Variants in TBCD observed in about 807,000 individuals in gnomAD.
The protein encoded by TBCD is tubulin-specific chaperone D.
Under a neutral mutation model 169.3 loss-of-function variants are expected in TBCD, and 105 were observed. That is an observed-to-expected ratio of 0.62 (90% CI 0.53 to 0.73). The LOEUF is 0.73. TBCD is among the 30% of genes least tolerant of loss of function. TBCD has a pLI of 0.00. For missense variants in TBCD, 1,444 were observed against 1,600.1 expected, an observed-to-expected ratio of 0.90 and a Z score of 1.66; for synonymous variants, 700 against 643.9, an observed-to-expected ratio of 1.09 and a Z score of -1.32.
chr17:82,802,863 A>G (rs1391355549), intron 9 of TBCD, among the ~76,000 whole-genome samples: 1 of 152,266 alleles, frequency 6.6e-6, no homozygotes, highest in Non-Finnish European at 1.5e-5. Context: ...TGCCATGTAA[A>G]GTTAAGCATC....
chr17:82,804,514 C>T (rs912204160), intron 9 of TBCD, among the ~76,000 whole-genome samples: 1 of 152,240 alleles, frequency 6.6e-6, no homozygotes, highest in Non-Finnish European at 1.5e-5. Flanking sequence ...GCCGGCCTGG[C>T]CACTGCCGTC....
intron 14 of TBCD, among the ~76,000 whole-genome samples, chr17:82,873,491 T>A (rs1244969104): frequency 1.3e-5 from 2 of 152,096 alleles, no homozygotes; most frequent in Admixed American, 1.3e-4. Context: ...GGTGCCGACT[T>A]TGGAGAAATG....
At chr17:82,901,735 A>G (rs1256211434) in intron 18 of TBCD, among the ~76,000 whole-genome samples, 2 of 152,278 alleles carry the variant, frequency 1.3e-5, no homozygotes, top group South Asian at 2.1e-4. Flanking sequence ...CCTCTGGGAA[A>G]GGAACTCCTG....
rs1300438216 is a variant in TBCD at position 82,909,317 on chromosome 17, A to G, written c.2006+10A>G. On this transcript the variant is annotated intron_variant, in intron 22 of 38. Coordinates refer to ENST00000355528, the MANE Select transcript of TBCD (RefSeq NM_005993.5). ...ATCGTCAGTTATACAGGTGAGCTTT[A>G]CAAAACCAAAGTTCTTATATCTGTG... 3 of 1,522,872 alleles carry G rather than the reference A, an allele frequency of 2.0e-6. No individual in the cohort carries two copies. The highest frequency in any genetic ancestry group is 1.2e-5 in the South Asian group (1 of 82,142). The allele number at this position is 1,522,872 out of a possible 1,614,324, so 94.3% of individuals were successfully genotyped here.
At chr17:82,928,118 C>G (rs2061908939) in intron 30 of TBCD, 130 bp downstream of exon 30, 1 of 791,788 alleles carries the variant, frequency 1.3e-6, no homozygotes, top group East Asian at 2.7e-5. Context: ...CCCAGAGAGC[C>G]TCTCTGGTCC....
At chr17:82,907,920 GC>G in intron 21 of TBCD, 99 bp downstream of exon 21, 1 of 1,310,012 alleles carries the variant, frequency 7.6e-7, no homozygotes, top group Non-Finnish European at 1.1e-6. Flanking sequence ...AGTCCTGGTG[GC>G]CACTGTGCTC....
At chr17:82,859,740 G>A in intron 13 of TBCD, 2 of 985,464 alleles carry the variant, frequency 2.0e-6, no homozygotes, top group South Asian at 9.4e-5. Context: ...AGTCCACAGT[G>A]GGGGCTGCTG....
Position 82,832,771 on chromosome 17 carries a change from AGCAGCTGCC to A in TBCD, c.1318+17839_1318+17847del, listed in dbSNP as rs2053629975. On this transcript the variant is annotated intron_variant, in intron 13 of 38. Transcript: ENST00000355528. This position sits in a 1 kb window ranked among gnomAD's most constrained non-coding sequence, Gnocchi z 4.9. ...GCTGAAACTGCCTGCTCCTGAGGGGAGCAGCTGCCGGTCACAGAAGCAGCCCTGCCCTAC... is the reference window on the plus strand; with the variant it reads ...GCTGAAACTGCCTGCTCCTGAGGGGAGGTCACAGAAGCAGCCCTGCCCTAC... 2.3e-6 allele frequency: 1 copy of A among 436,748 alleles called. No individual in the cohort carries two copies. Among genetic ancestry groups the A allele is most frequent in the African/African-American group, 2.0e-5 (1 of 50,182 alleles). The allele number at this position is 436,748 out of a possible 1,614,324, so 27.1% of individuals were successfully genotyped here.
intron 13 of TBCD, among the ~76,000 whole-genome samples, chr17:82,842,479 C>T (rs140010209): frequency 1.3e-5 from 2 of 152,160 alleles, no homozygotes; most frequent in Non-Finnish European, 2.9e-5. Flanking sequence ...GCCCCTTCTG[C>T]CCCCATGTCT....
At chr17:82,882,460 G>A (rs530750868) in intron 14 of TBCD, among the ~76,000 whole-genome samples, 15 of 152,304 alleles carry the variant, frequency 9.8e-5, no homozygotes, top group African/African-American at 3.4e-4. Context: ...AAATGCCCCC[G>A]AGTTTCAGTT....
intron 13 of TBCD, chr17:82,860,492 G>C: frequency 1.1e-6 from 1 of 949,636 alleles, no homozygotes; most frequent in Non-Finnish European, 1.3e-6. Context: ...AGATCCTGAG[G>C]CTGATTAATT....
intron 1 of TBCD, 35 bp downstream of exon 1, chr17:82,752,412 C>G: frequency 8.3e-7 from 1 of 1,203,132 alleles, no homozygotes; most frequent in Non-Finnish European, 1.0e-6. Flanking sequence ...GCTTCCTCCC[C>G]CGGCCCGGGT....
Position 82,927,244 on chromosome 17 carries a change from AAT to A in TBCD, c.2531_2532del (p.Asn844SerfsTer48). On this transcript the variant is annotated frameshift_variant, in exon 29 of 39. Coordinates refer to ENST00000355528, the MANE Select transcript of TBCD (RefSeq NM_005993.5). LOFTEE classifies it high-confidence loss of function. ...GAPDEAVCGENVSQIYCALLG... is the reference protein window; with the variant it reads ...GAPDEAVCGEXVSQIYCALLG... ...CCCAGACGAAGCTGTGTGCGGAGAGAATGTTTCCCAGATTTACTGTGCGCTGC... is the reference window on the plus strand; with the variant it reads ...CCCAGACGAAGCTGTGTGCGGAGAGAGTTTCCCAGATTTACTGTGCGCTGC... 1 of 1,613,878 alleles carries A rather than the reference AAT, an allele frequency of 6.2e-7. No individual in the cohort carries two copies. The highest frequency in any genetic ancestry group is 8.5e-7 in the Non-Finnish European group (1 of 1,179,808).
At chr17:82,860,767 C>G (rs563930397) in intron 13 of TBCD, among the ~76,000 whole-genome samples, 1 of 152,210 alleles carries the variant, frequency 6.6e-6, no homozygotes. Context: ...TTTCATCGCC[C>G]GTGTCCGGGC....
chr17:82,886,376 G>T (rs980937590), intron 15 of TBCD: 6 of 140,956 alleles, frequency 4.3e-5, no homozygotes, highest in African/African-American at 1.6e-4. Context: ...ACCCCCAAAC[G>T]TGCTGACATT....
At position 82,764,074 on chromosome 17, in the gene TBCD, A is replaced by G. The variant is rs928941465; in HGVS notation, c.333+12A>G. On this transcript the variant is annotated intron_variant, in intron 3 of 38. Transcript: ENST00000355528. ...ACATCATCACCAAGGTAACATTTCC[A>G]TAGCACTTCAGAGTTGACAGATACT... The G allele has an allele frequency of 5.0e-6, 8 of 1,598,588 alleles. No individual in the cohort carries two copies. Among genetic ancestry groups the G allele is most frequent in the Non-Finnish European group, 6.9e-6 (8 of 1,166,610 alleles).
At position 82,930,674 on chromosome 17, in the gene TBCD, G is replaced by A. The variant is rs556075382; in HGVS notation, c.3113+31G>A. ...TGGTGTCTCTTGGGGCCTCAGAGGC[G>A]TGAGTGGTGCTGGTGCCTCTCACCA... On this transcript the variant is annotated intron_variant, in intron 33 of 38. Coordinates refer to ENST00000355528, the MANE Select transcript of TBCD (RefSeq NM_005993.5). The surrounding 1 kb of genome is among the most constrained non-coding windows in gnomAD (Gnocchi z 5.2). The A allele has an allele frequency of 2.4e-5, 39 of 1,613,618 alleles. No individual in the cohort carries two copies. In the South Asian group the frequency reaches 2.9e-4, roughly 12 times the overall value.
rs1010575243 is a variant in TBCD at position 82,752,209 on chromosome 17, G to A, written c.16G>A (p.Glu6Lys). 5 of 1,522,132 alleles carry A rather than the reference G, an allele frequency of 3.3e-6. No homozygotes were observed. Among genetic ancestry groups the A allele is most frequent in the Non-Finnish European group, 3.5e-6 (4 of 1,137,392 alleles). The allele number at this position is 1,522,132 out of a possible 1,614,324, so 94.3% of individuals were successfully genotyped here. The change falls in exon 1 of 39, where the codon GAA becomes AAA. Residue 6 changes from glutamate (E) to lysine (K), a missense_variant. Physicochemically the swap from Glu to Lys is moderately conservative, Grantham distance 56. Transcript: ENST00000355528. Reference sequence around the variant, plus strand: ...GGCTGCCGAGATGGCCCTGAGCGACGAACCGGCCGCGGGCGGCCCCGAGGA... The same window carrying A: ...GGCTGCCGAGATGGCCCTGAGCGACAAACCGGCCGCGGGCGGCCCCGAGGA... MALSD[E>K]PAAGGPEEEA...
At position 82,920,255 on chromosome 17, in the gene TBCD, G is replaced by C. The variant is rs2147130509; in HGVS notation, c.2039-301G>C. On this transcript the variant is annotated intron_variant, in intron 23 of 38. Transcript: ENST00000355528. This position sits in a 1 kb window ranked among gnomAD's most constrained non-coding sequence, Gnocchi z 4.1. ...ACAGCCTGTCACAGGGACGTCTGCA[G>C]CTCCCTGACAGGCCGGCCCGGCTTC... Among the ~76,000 whole-genome samples, 1 of 152,378 alleles carries C rather than the reference G, an allele frequency of 6.6e-6. No individual in the cohort carries two copies. Among genetic ancestry groups the C allele is most frequent in the African/African-American group, 2.4e-5 (1 of 41,588 alleles).
Sources: gnomAD v4.1 joint callset for allele counts (sites outside exome capture counted in the v4.1 genomes callset) on GRCh38, gnomAD v4.1.1 for gene constraint, Gnocchi (gnomAD v3.1) non-coding constraint, MANE v1.5 for transcripts, NCBI Gene and HGNC (gene_info 2026-07-23, HGNC 2026-07-21) for gene names.